TNIK: variants seen among roughly 807,000 people sequenced by gnomAD.
The protein encoded by TNIK is TRAF2 and NCK interacting kinase.
Under a neutral mutation model 191.3 loss-of-function variants are expected in TNIK, and 49 were observed. The observed-to-expected ratio is 0.26, with a 90% confidence interval of 0.20 to 0.32. The LOEUF (loss-of-function observed/expected upper bound fraction) is 0.32. Ranked by LOEUF, TNIK falls within the 10% of genes least tolerant of loss-of-function variation. TNIK has a pLI of 1.00. For synonymous variants in TNIK, 594 were observed against 600.9 expected (o/e 0.99, Z 0.17); for missense variants, 1,155 against 1,702.3 (o/e 0.68, Z 5.66).
intron 3 of TNIK, among the ~76,000 whole-genome samples, chr3:171,219,528 T>C (rs1297936581): frequency 6.6e-6 from 1 of 151,844 alleles, no homozygotes; most frequent in Non-Finnish European, 1.5e-5. Context: ...TTAAAGTCAG[T>C]AGGCTTCAAA....
intron 11 of TNIK, among the ~76,000 whole-genome samples, chr3:171,160,170 G>T (rs1733790295): frequency 6.6e-6 from 1 of 152,148 alleles, no homozygotes; most frequent in Non-Finnish European, 1.5e-5. Flanking sequence ...AACATGCTAT[G>T]TATCAGATGG....
intron 2 of TNIK, among the ~76,000 whole-genome samples, chr3:171,342,508 A>G (rs1757640335): frequency 1.3e-5 from 2 of 152,182 alleles, no homozygotes; most frequent in South Asian, 2.1e-4. Flanking sequence ...CCTTTCAAAA[A>G]ACAAAAAAAC....
intron 2 of TNIK, among the ~76,000 whole-genome samples, chr3:171,335,648 A>C (rs1756885254): frequency 6.6e-6 from 1 of 152,168 alleles, no homozygotes; most frequent in South Asian, 2.1e-4. Context: ...GGATGTGGCA[A>C]GATTTGTTTT....
chr3:171,137,705 G>C (rs556072137), intron 15 of TNIK, among the ~76,000 whole-genome samples: 3 of 152,308 alleles, frequency 2.0e-5, no homozygotes. Flanking sequence ...ACCACCACAA[G>C]TCTGAGGTCA....
At chr3:171,244,168 C>A (rs1426745757) in intron 2 of TNIK, among the ~76,000 whole-genome samples, 2 of 151,678 alleles carry the variant, frequency 1.3e-5, no homozygotes, top group African/African-American at 4.8e-5. Context: ...GGGTTCACAC[C>A]ACTCTCCTGC....
chr3:171,306,230 G>A (rs975046686), intron 2 of TNIK, among the ~76,000 whole-genome samples: 4 of 152,098 alleles, frequency 2.6e-5, no homozygotes, highest in Non-Finnish European at 4.4e-5. Context: ...AGGTTAGGAG[G>A]AGGGAGAAGT....
At chr3:171,274,393 G>T (rs1428180853) in intron 2 of TNIK, among the ~76,000 whole-genome samples, 3 of 152,152 alleles carry the variant, frequency 2.0e-5, no homozygotes, top group Non-Finnish European at 4.4e-5. Flanking sequence ...GCCCAGGAAG[G>T]ACTGGAAACC....
At chr3:171,378,585 C>A (rs950257466) in intron 1 of TNIK, among the ~76,000 whole-genome samples, 11 of 152,286 alleles carry the variant, frequency 7.2e-5, no homozygotes, top group Admixed American at 7.2e-4. Flanking sequence ...ACTGCAGTAT[C>A]TCCAATACCT....
In TNIK at chr3:171,159,161, T is replaced by C. The variant is rs1324782651; in HGVS notation, c.1017-1497A>G. ...AGCAAGCCGGACTGCTGCTGCAGAGTGGTTCTGGGGTGGGGACACCACCCA... is the reference window on the plus strand; with the variant it reads ...AGCAAGCCGGACTGCTGCTGCAGAGCGGTTCTGGGGTGGGGACACCACCCA... On this transcript the variant is annotated intron_variant, in intron 11 of 32. Transcript: ENST00000436636. This position sits in a 1 kb window ranked among gnomAD's most constrained non-coding sequence, Gnocchi z 4.1. 6.6e-6 allele frequency among the ~76,000 whole-genome samples: 1 copy of C among 151,062 alleles called. No individual in the cohort carries two copies. The highest frequency in any genetic ancestry group is 6.6e-5 in the Admixed American group (1 of 15,186).
chr3:171,221,732 T>A (rs1290499732), intron 3 of TNIK, among the ~76,000 whole-genome samples: 1 of 152,098 alleles, frequency 6.6e-6, no homozygotes, highest in Non-Finnish European at 1.5e-5. Context: ...CTTTCCTGGA[T>A]CCTGCTCTAG....
At chr3:171,323,749 A>T (rs1755436405) in intron 2 of TNIK, among the ~76,000 whole-genome samples, 1 of 152,198 alleles carries the variant, frequency 6.6e-6, no homozygotes. Flanking sequence ...CAGGAATCCA[A>T]GTGAGAATGA....
At chr3:171,271,684 G>A (rs1351026553) in intron 2 of TNIK, among the ~76,000 whole-genome samples, 1 of 152,116 alleles carries the variant, frequency 6.6e-6, no homozygotes, top group Non-Finnish European at 1.5e-5. Flanking sequence ...TATGTATTAA[G>A]TTCTTAAAGG....
At chr3:171,176,207 A>G (rs1735938147) in intron 8 of TNIK, among the ~76,000 whole-genome samples, 1 of 152,154 alleles carries the variant, frequency 6.6e-6, no homozygotes, top group Non-Finnish European at 1.5e-5. Flanking sequence ...AGACTGCAAT[A>G]TATTATTTTT....
chr3:171,156,633 A>AG (rs1297298208), intron 12 of TNIK, among the ~76,000 whole-genome samples: 1 of 152,220 alleles, frequency 6.6e-6, no homozygotes, highest in African/African-American at 2.4e-5. Flanking sequence ...TCTGGGAAGG[A>AG]GGCTTTAACA....
At chr3:171,174,629 G>A (rs993329632) in intron 9 of TNIK, among the ~76,000 whole-genome samples, 2 of 67,558 alleles carry the variant, frequency 3.0e-5, no homozygotes, top group Non-Finnish European at 4.9e-5. Flanking sequence ...AATTTTTGCC[G>A]TACCCTCACA....
intron 1 of TNIK, among the ~76,000 whole-genome samples, chr3:171,406,304 G>A (rs1721674585): frequency 6.6e-6 from 1 of 152,084 alleles, no homozygotes; most frequent in African/African-American, 2.4e-5. Flanking sequence ...ATGGCACATT[G>A]CAGGAGCTAC....
At chr3:171,434,239 G>A (rs1251176246) in intron 1 of TNIK, among the ~76,000 whole-genome samples, 1 of 151,376 alleles carries the variant, frequency 6.6e-6, no homozygotes, top group Non-Finnish European at 1.5e-5. Context: ...CCTGGCCAAG[G>A]GTATCTTTTT....
chr3:171,421,976 C>T (rs1192709935), intron 1 of TNIK, among the ~76,000 whole-genome samples: 6 of 152,102 alleles, frequency 3.9e-5, no homozygotes, highest in East Asian at 1.9e-4. Context: ...GTGATCTGCC[C>T]GCCTTGGCCT....
Position 171,123,670 on chromosome 3 carries a change from T to C in TNIK, c.2046A>G (p.Ala682=). The change falls in exon 18 of 33, where the codon GCA becomes GCG. Residue 682 remains alanine, a synonymous_variant. Coordinates refer to ENST00000436636, the MANE Select transcript of TNIK (RefSeq NM_015028.4). ...TCCCAGGAGAATTCTTTCTGGCTAA[T>C]GCTGGGGATATAGAAGTTGTTCTTT... The part of the protein sequence containing the change: ...VPQRTTSISP[A]LARKNSPGNG... The C allele has an allele frequency of 6.3e-7, 1 of 1,576,052 alleles. No individual in the cohort carries two copies. The highest frequency in any genetic ancestry group is 2.3e-5 in the East Asian group (1 of 43,706).
Sources: gnomAD v4.1 joint callset for allele counts (sites outside exome capture counted in the v4.1 genomes callset) on GRCh38, gnomAD v4.1.1 for gene constraint, Gnocchi (gnomAD v3.1) non-coding constraint, MANE v1.5 for transcripts, NCBI Gene and HGNC (gene_info 2026-07-23, HGNC 2026-07-21) for gene names.